Variants in FGF14 observed in about 807,000 individuals in gnomAD.
FGF14 encodes fibroblast growth factor 14.
Under a neutral mutation model 25.5 loss-of-function variants are expected in FGF14, and 5 were observed. The ratio of observed to expected loss-of-function variants is 0.20; its 90% CI spans 0.10 to 0.41. The LOEUF is 0.41. FGF14 is among the 10% of genes least tolerant of loss of function. The probability of loss-of-function intolerance (pLI) is 1.00; values close to 1 mark genes in which losing one functional copy is unlikely to be tolerated. For synonymous variants in FGF14, 138 were observed against 118.3 expected, an observed-to-expected ratio of 1.17 and a Z score of -1.08; for missense variants, 222 against 320.1, an observed-to-expected ratio of 0.69 and a Z score of 2.34.
chr13:102,244,685 G>A (rs1474222586), intron 1 of FGF14, among the ~76,000 whole-genome samples: 1 of 151,928 alleles, frequency 6.6e-6, no homozygotes, highest in Non-Finnish European at 1.5e-5. Context: ...GGTTTTGTGA[G>A]GCAAATATAT....
intron 1 of FGF14, among the ~76,000 whole-genome samples, chr13:102,065,862 G>T (rs550863687): frequency 6.6e-6 from 1 of 151,948 alleles, no homozygotes; most frequent in East Asian, 1.9e-4. Context: ...ATTTGACCAG[G>T]AATTTACCAA....
At chr13:102,041,432 AT>A (rs2041731395) in intron 1 of FGF14, among the ~76,000 whole-genome samples, 1 of 151,968 alleles carries the variant, frequency 6.6e-6, no homozygotes, top group South Asian at 2.1e-4. Context: ...TCCTATTGCT[AT>A]TTGTGATAAG....
chr13:101,782,815 T>C (rs2039586773), intron 3 of FGF14, among the ~76,000 whole-genome samples: 1 of 152,186 alleles, frequency 6.6e-6, no homozygotes, highest in Non-Finnish European at 1.5e-5. Context: ...TGATTCCATG[T>C]CTTTGCTATT....
chr13:101,952,783 C>A (rs1032029052), intron 1 of FGF14, among the ~76,000 whole-genome samples: 1 of 152,204 alleles, frequency 6.6e-6, no homozygotes, highest in African/African-American at 2.4e-5. Flanking sequence ...TTAATCCCAG[C>A]ACTTTAGGAG....
chr13:102,023,600 T>A (rs2040780696), intron 1 of FGF14, among the ~76,000 whole-genome samples: 1 of 152,088 alleles, frequency 6.6e-6, no homozygotes, highest in East Asian at 1.9e-4. Flanking sequence ...CATTTCTTAA[T>A]CTTCCCTTTC....
At chr13:101,973,184 T>G (rs2037718331) in intron 1 of FGF14, among the ~76,000 whole-genome samples, 1 of 151,256 alleles carries the variant, frequency 6.6e-6, no homozygotes, top group South Asian at 2.1e-4. Context: ...TTGAACCAGC[T>G]GGTTTGGTAC....
At chr13:102,204,933 A>G (rs946203162) in intron 1 of FGF14, among the ~76,000 whole-genome samples, 3 of 152,224 alleles carry the variant, frequency 2.0e-5, no homozygotes, top group Admixed American at 6.5e-5. Flanking sequence ...AAAGTAGACA[A>G]TGTGGGGGCA....
chr13:101,794,764 A>T (rs2040426634), intron 3 of FGF14, among the ~76,000 whole-genome samples: 1 of 152,156 alleles, frequency 6.6e-6, no homozygotes, highest in Admixed American at 6.6e-5. Context: ...AAAGTTGGCA[A>T]ATGCAAAACA....
chr13:101,909,040 G>A (rs1304542986), intron 1 of FGF14, among the ~76,000 whole-genome samples: 1 of 152,172 alleles, frequency 6.6e-6, no homozygotes. Context: ...CTAGCCATAA[G>A]TAGAAAGCTG....
chr13:102,060,069 T>C (rs1400707791), intron 1 of FGF14, among the ~76,000 whole-genome samples: 1 of 151,952 alleles, frequency 6.6e-6, no homozygotes, highest in Non-Finnish European at 1.5e-5. Flanking sequence ...AAGGTCATGC[T>C]CAAAGGAAAT....
At position 102,400,333 on chromosome 13, in the gene FGF14, C is replaced by T. The variant is rs986408258; in HGVS notation, c.208+1138G>A. ...CACTGCGGGACGGCCGATCTGCCCG[C>T]TCCCTCCTTCAGACACAACCCCAGA... On this transcript the variant is annotated intron_variant, in intron 1 of 4. Transcript: ENST00000376131. The surrounding 1 kb of genome is among the most constrained non-coding windows in gnomAD (Gnocchi z 4.3). Among the ~76,000 whole-genome samples the T allele has an allele frequency of 6.6e-6, 1 of 152,214 alleles. No homozygotes were observed. Among genetic ancestry groups the T allele is most frequent in the Non-Finnish European group, 1.5e-5 (1 of 68,040 alleles).
At chr13:102,194,896 TGATAA>T (rs2049282938) in intron 1 of FGF14, among the ~76,000 whole-genome samples, 1 of 152,162 alleles carries the variant, frequency 6.6e-6, no homozygotes, top group Middle Eastern at 3.2e-3. Context: ...CAGGGGTCCT[TGATAA>T]GAGGAACAAT....
intron 1 of FGF14, among the ~76,000 whole-genome samples, chr13:102,358,629 G>C (rs1325244229): frequency 6.6e-6 from 1 of 152,170 alleles, no homozygotes; most frequent in Non-Finnish European, 1.5e-5. Context: ...AATATAGTGT[G>C]TGTTTGTTTT....
At chr13:101,879,579 A>C (rs2045584318) in intron 1 of FGF14, among the ~76,000 whole-genome samples, 1 of 152,194 alleles carries the variant, frequency 6.6e-6, no homozygotes, top group Non-Finnish European at 1.5e-5. Flanking sequence ...CAAATGGTGT[A>C]CTTATTTTAA....
chr13:101,986,334 G>A (rs2038577895), intron 1 of FGF14, among the ~76,000 whole-genome samples: 1 of 152,012 alleles, frequency 6.6e-6, no homozygotes, highest in African/African-American at 2.4e-5. Context: ...CTACTTCCTG[G>A]CAATATCTAC....
At chr13:101,804,777 A>G (rs1233535672) in intron 3 of FGF14, among the ~76,000 whole-genome samples, 1 of 152,142 alleles carries the variant, frequency 6.6e-6, no homozygotes, top group Non-Finnish European at 1.5e-5. Context: ...CCAAAGAAAG[A>G]TTATCTTTTG....
chr13:102,283,693 T>C (rs532995386), intron 1 of FGF14, among the ~76,000 whole-genome samples: 21 of 152,304 alleles, frequency 1.4e-4, no homozygotes, highest in Admixed American at 4.6e-4. Context: ...CCATACTTCA[T>C]TGAAAAAATG....
chr13:102,223,924 A>G (rs2050723639), intron 1 of FGF14, among the ~76,000 whole-genome samples: 1 of 152,176 alleles, frequency 6.6e-6, no homozygotes. Flanking sequence ...TCATTCTGAT[A>G]TAAATGACAG....
At chr13:102,252,441 C>T (rs548619652) in intron 1 of FGF14, among the ~76,000 whole-genome samples, 1 of 152,198 alleles carries the variant, frequency 6.6e-6, no homozygotes, top group East Asian at 1.9e-4. Flanking sequence ...CCTTGGTATC[C>T]GAGGGGACTG....
Sources: allele counts gnomAD v4.1 joint callset (sites outside exome capture counted in the v4.1 genomes callset), GRCh38; gene constraint gnomAD v4.1.1; non-coding constraint Gnocchi (gnomAD v3.1); transcripts MANE v1.5; gene names NCBI Gene and HGNC (gene_info 2026-07-23, HGNC 2026-07-21).